The following PSMG2 variants were observed in gnomAD, a reference collection of about 807,000 sequenced individuals.
PSMG2 encodes CD40 ligand-activated specific transcript 3.
PSMG2 carries 21 observed loss-of-function variants against 31.5 expected under a neutral mutation model. The ratio of observed to expected loss-of-function variants is 0.67; its 90% CI spans 0.47 to 0.96. The LOEUF (loss-of-function observed/expected upper bound fraction) is 0.96, where lower values mean the gene tolerates loss of function less well. Ranked by LOEUF, PSMG2 falls within the 40% of genes least tolerant of loss-of-function variation. PSMG2 has a pLI of 0.00. For missense variants in PSMG2, 318 were observed against 321.2 expected, an observed-to-expected ratio of 0.99 and a Z score of 0.08; for synonymous variants, 120 against 110.4, an observed-to-expected ratio of 1.09 and a Z score of -0.54.
At chr18:12,715,460 G>T (rs1010369725) in intron 3 of PSMG2, among the ~76,000 whole-genome samples, 5 of 152,162 alleles carry the variant, frequency 3.3e-5, no homozygotes, top group Non-Finnish European at 7.4e-5. Context: ...CAGGAGGTTA[G>T]AAATACAGGA....
At chr18:12,716,096 CTG>C (rs1215325998) in intron 3 of PSMG2, among the ~76,000 whole-genome samples, 3 of 152,294 alleles carry the variant, frequency 2.0e-5, no homozygotes, top group Non-Finnish European at 2.9e-5. Context: ...TCTCATTTCT[CTG>C]TGGTGTTAAG....
chr18:12,674,663 T>C (rs538668730), intron 1 of PSMG2: 14 of 1,614,094 alleles, frequency 8.7e-6, no homozygotes, highest in Middle Eastern at 3.3e-4. Context: ...CCTGCTGATA[T>C]ACTTGTTGTA....
chr18:12,681,828 T>C (rs2039359072), intron 1 of PSMG2, among the ~76,000 whole-genome samples: 1 of 151,990 alleles, frequency 6.6e-6, no homozygotes, highest in African/African-American at 2.4e-5. Flanking sequence ...TATAAAGACC[T>C]ATAAAAAAAT....
At chr18:12,718,043 C>G (rs1442454593) in intron 3 of PSMG2, among the ~76,000 whole-genome samples, 1 of 143,832 alleles carries the variant, frequency 7.0e-6, no homozygotes, top group Non-Finnish European at 1.5e-5. Flanking sequence ...AAGTTTCACT[C>G]GGTTCCCCCG....
intron 1 of PSMG2, chr18:12,673,499 G>C (rs765300466): frequency 1.3e-5 from 21 of 1,573,384 alleles, no homozygotes; most frequent in South Asian, 1.2e-5. Context: ...TCACAGAAAG[G>C]AGATCTATTT....
rs201041542 is a variant in PSMG2, at chr18:12,718,613, C to T, written c.385C>T (p.Arg129Cys). The T allele has an allele frequency of 2.3e-5, 37 of 1,605,000 alleles. No individual in the cohort carries two copies. The East Asian group carries it at 5.8e-4, about 25-fold the overall frequency. ...TCTTTCAAGCAGTCATTCATATCAG[C>T]GTAATGATCTGCAGCTTCGTAGGTA... Reference protein sequence around the residue: ...IVLSSSHSYQRNDLQLRSTPF... With the variant: ...IVLSSSHSYQCNDLQLRSTPF... The change falls in exon 4 of 7, where the codon CGT becomes TGT. Residue 129 changes from arginine to cysteine, a missense_variant. Coordinates refer to ENST00000317615, the MANE Select transcript of PSMG2 (RefSeq NM_020232.5).
At chr18:12,678,537 A>C (rs929102566) in intron 1 of PSMG2, 1 of 720,108 alleles carries the variant, frequency 1.4e-6, no homozygotes, top group African/African-American at 1.8e-5. Context: ...GGCCATAACT[A>C]CTTCTCAGAA....
chr18:12,717,228 A>G (rs1376696903), intron 3 of PSMG2, among the ~76,000 whole-genome samples: 1 of 151,638 alleles, frequency 6.6e-6, no homozygotes, highest in East Asian at 1.9e-4. Context: ...GGATTACAGG[A>G]GTGAGCCACC....
intron 5 of PSMG2, among the ~76,000 whole-genome samples, chr18:12,722,371 G>A (rs938096766): frequency 5.9e-5 from 9 of 152,068 alleles, no homozygotes; most frequent in African/African-American, 1.4e-4. Flanking sequence ...CACAGGGAGC[G>A]GAACCCAAGC....
At chr18:12,723,517 C>T (rs1643198745) in intron 5 of PSMG2, among the ~76,000 whole-genome samples, 1 of 152,100 alleles carries the variant, frequency 6.6e-6, no homozygotes, top group African/African-American at 2.4e-5. Flanking sequence ...CCTGCCTCAG[C>T]CTCCTGAGTA....
intron 1 of PSMG2, chr18:12,684,206 T>G (rs1264295173): frequency 6.6e-6 from 1 of 152,118 alleles, no homozygotes; most frequent in Non-Finnish European, 1.5e-5. Context: ...CCTGACCGTG[T>G]GATCCGCCCG....
At chr18:12,696,223 T>A (rs1367253849) in intron 1 of PSMG2, among the ~76,000 whole-genome samples, 1 of 152,152 alleles carries the variant, frequency 6.6e-6, no homozygotes, top group South Asian at 2.1e-4. Context: ...TCTAAATTAC[T>A]GGCTGGGCGC....
chr18:12,678,108 C>G, intron 1 of PSMG2: 5 of 1,605,462 alleles, frequency 3.1e-6, no homozygotes, highest in Non-Finnish European at 4.3e-6. Flanking sequence ...GTGTGAATTA[C>G]CTTCCTGTGT....
intron 1 of PSMG2, among the ~76,000 whole-genome samples, chr18:12,666,697 C>T (rs1375204392): frequency 6.6e-6 from 1 of 151,764 alleles, no homozygotes; most frequent in Non-Finnish European, 1.5e-5. Context: ...GATCTACCTG[C>T]CTTGGCCTCC....
chr18:12,682,979 G>A (rs934644230), intron 1 of PSMG2, among the ~76,000 whole-genome samples: 1 of 151,918 alleles, frequency 6.6e-6, no homozygotes, highest in Non-Finnish European at 1.5e-5. Flanking sequence ...AAATTCAGAA[G>A]TAAAATAAAA....
At chr18:12,699,699 G>T, upstream of PSMG2, 1 of 576,682 alleles carries the variant, frequency 1.7e-6, no homozygotes, top group Admixed American at 3.6e-5. Flanking sequence ...ATCTGTTTTA[G>T]CCAACCATAA....
intron 1 of PSMG2, chr18:12,697,368 T>C: frequency 6.2e-7 from 1 of 1,612,858 alleles, no homozygotes; most frequent in Non-Finnish European, 8.5e-7. Context: ...GATCACTTAT[T>C]GATAACATTG....
At chr18:12,668,170 C>T (rs891430793) in intron 1 of PSMG2, among the ~76,000 whole-genome samples, 1 of 152,018 alleles carries the variant, frequency 6.6e-6, no homozygotes, top group Admixed American at 6.6e-5. Context: ...GAGGCTGAGG[C>T]AGGAAAATCA....
intron 2 of PSMG2, among the ~76,000 whole-genome samples, chr18:12,710,595 A>G (rs1342065780): frequency 2.6e-5 from 4 of 152,154 alleles, no homozygotes; most frequent in Non-Finnish European, 5.9e-5. Flanking sequence ...GTTTTGTACA[A>G]TGTCCCACCT....
Sources: gnomAD v4.1 joint callset for allele counts (sites outside exome capture counted in the v4.1 genomes callset) on GRCh38, gnomAD v4.1.1 for gene constraint, MANE v1.5 for transcripts, NCBI Gene and HGNC (gene_info 2026-07-23, HGNC 2026-07-21) for gene names.